Variants in SLC6A18 observed in about 807,000 individuals in gnomAD.
The protein encoded by SLC6A18 is solute carrier family 6 member 18.
In SLC6A18, 58 loss-of-function variants were observed where a neutral mutation model predicts 62.9. The ratio of observed to expected loss-of-function variants is 0.92; its 90% CI spans 0.75 to 1.15. The LOEUF is 1.15. Among genes scored for constraint, SLC6A18 ranks in the 50% most tolerant of loss-of-function variants. SLC6A18 has a pLI of 0.00. For synonymous variants in SLC6A18, 382 were observed against 365.8 expected, an observed-to-expected ratio of 1.04 and a Z score of -0.51; for missense variants, 793 against 836.6, an observed-to-expected ratio of 0.95 and a Z score of 0.64.
At chr5:1,239,914 A>G (rs1014291986) in intron 6 of SLC6A18, among the ~76,000 whole-genome samples, 2 of 152,260 alleles carry the variant, frequency 1.3e-5, no homozygotes, top group African/African-American at 2.4e-5. Context: ...TAATATGCAC[A>G]GATCCCTACA....
chr5:1,230,988 G>A (rs1393961748), intron 1 of SLC6A18, among the ~76,000 whole-genome samples: 1 of 152,172 alleles, frequency 6.6e-6, no homozygotes, highest in Non-Finnish European at 1.5e-5. Context: ...CAGACACAGG[G>A]GCCTCTTCAG....
chr5:1,237,856 A>G, intron 4 of SLC6A18, 94 bp from the exon 5 acceptor site: 4 of 957,346 alleles, frequency 4.2e-6, no homozygotes, highest in Non-Finnish European at 6.6e-6. Flanking sequence ...CACTCTGACC[A>G]CAAGGGCGGT....
chr5:1,244,126 A>C (rs1257228402), intron 9 of SLC6A18, 88 bp from the exon 10 acceptor site: 2 of 1,154,158 alleles, frequency 1.7e-6, no homozygotes, highest in African/African-American at 3.1e-5. Flanking sequence ...GTCCGAGGGC[A>C]GGTCTGCCTG....
intron 4 of SLC6A18, among the ~76,000 whole-genome samples, chr5:1,236,551 C>T (rs1253262130): frequency 6.6e-6 from 1 of 152,192 alleles, no homozygotes; most frequent in Non-Finnish European, 1.5e-5. Flanking sequence ...TCCTGCTTGC[C>T]TGGACCCCTC....
chr5:1,233,620 A>G (rs368525303), intron 3 of SLC6A18, among the ~76,000 whole-genome samples: 2 of 135,848 alleles, frequency 1.5e-5, no homozygotes, highest in African/African-American at 5.6e-5. Flanking sequence ...GTCTCCCTCT[A>G]TTGCCCAGGC....
At position 1,238,234 on chromosome 5, in the gene SLC6A18, T is replaced by TCAGGAAAGAGG. The variant is rs1282635011; in HGVS notation, c.732+174_732+175insCAGGAAAGAGG. On this transcript the variant is annotated intron_variant, in intron 5 of 11. Transcript: ENST00000324642. ...AGGATGGCGTGGCGGGAGGGGGGCC[T>TCAGGAAAGAGG]TAGGAAAGAGGTCAGGTTTGGAGTG... is the stretch of plus-strand genomic sequence containing the variant. Among the ~76,000 whole-genome samples the TCAGGAAAGAGG allele has an allele frequency of 3.3e-4, 46 of 138,362 alleles. 2 individuals carry two copies. Among genetic ancestry groups the TCAGGAAAGAGG allele is most frequent in the African/African-American group, 5.5e-4 (21 of 38,274 alleles). 90.8% of individuals were successfully genotyped at this position (138,362 alleles called of 152,430 possible).
At chr5:1,238,452 G>GAGGA (rs111994481) in intron 5 of SLC6A18, among the ~76,000 whole-genome samples, 3 of 62,904 alleles carry the variant, frequency 4.8e-5, no homozygotes, top group Non-Finnish European at 9.7e-5. Flanking sequence ...AGTGAGCTTG[G>GAGGA]GGCCTCAGGA....
At chr5:1,227,541 T>A (rs1746614940) in intron 1 of SLC6A18, among the ~76,000 whole-genome samples, 1 of 152,264 alleles carries the variant, frequency 6.6e-6, no homozygotes, top group African/African-American at 2.4e-5. Flanking sequence ...CATTGATGAT[T>A]TTGAAAACAA....
At chr5:1,239,123 A>G (rs1011119436) in intron 5 of SLC6A18, among the ~76,000 whole-genome samples, 1 of 152,256 alleles carries the variant, frequency 6.6e-6, no homozygotes, top group Non-Finnish European at 1.5e-5. Context: ...CCGCCCGGTT[A>G]GAGAGGGCAC....
rs747196067 is a variant in SLC6A18 at position 1,232,787 on chromosome 5, T to A, written c.338T>A (p.Leu113Gln). 8 of 1,613,460 alleles carry A rather than the reference T, an allele frequency of 5.0e-6. No homozygotes were observed. The highest frequency in any genetic ancestry group is 5.9e-6 in the Non-Finnish European group (7 of 1,180,004). ...GTCACGCTGTCCTTCCTGATCAGCCTGTACTACAACACCATCGTGGCGTGG... is the reference window on the plus strand; with the variant it reads ...GTCACGCTGTCCTTCCTGATCAGCCAGTACTACAACACCATCGTGGCGTGG... ...GCVTLSFLIS[L>Q]YYNTIVAWVL... Residue 113 changes from leucine to glutamine, a missense_variant, in exon 3 of 12, where the codon CTG becomes CAG. Physicochemically the swap from Leu to Gln is moderately radical, Grantham distance 113 (BLOSUM62 -2). Coordinates refer to ENST00000324642, the MANE Select transcript of SLC6A18 (RefSeq NM_182632.3).
At chr5:1,226,350 C>A (rs1159692292) in intron 1 of SLC6A18, among the ~76,000 whole-genome samples, 1 of 152,216 alleles carries the variant, frequency 6.6e-6, no homozygotes, top group Non-Finnish European at 1.5e-5. Context: ...TGAATCACTG[C>A]TCTCAGGGAG....
At chr5:1,232,032 A>T (rs1746742506) in intron 1 of SLC6A18, among the ~76,000 whole-genome samples, 187 bp from the exon 2 acceptor site, 1 of 152,162 alleles carries the variant, frequency 6.6e-6, no homozygotes, top group South Asian at 2.1e-4. Flanking sequence ...TCAGCAACCG[A>T]GCCAAAATCA....
chr5:1,245,880 C>G lies in SLC6A18; in HGVS notation c.1689C>G (p.Tyr563Ter), dbSNP rs774628887. 2 of 1,608,350 alleles carry G rather than the reference C, an allele frequency of 1.2e-6. No homozygotes were observed. Among genetic ancestry groups the G allele is most frequent in the African/African-American group, 2.7e-5 (2 of 74,844 alleles). The change falls in exon 12 of 12, where the codon TAC (tyrosine) becomes TAG (stop). Residue 563 changes from tyrosine (Y) to a stop codon, truncating the protein, a stop_gained. Transcript: ENST00000324642. LOFTEE classifies it low-confidence loss of function (END_TRUNC). ...ELFPSRQEKLYPGWARAACVL... is the reference protein window; with the variant it reads ...ELFPSRQEKL ...TCCCCTCGCGTCAGGAGAAGCTCTA[C>G]CCGGGCTGGGCGCGCGCCGCCTGTG...
chr5:1,230,093 G>A lies in SLC6A18; in HGVS notation c.161-2126G>A, dbSNP rs991158849. 4.0e-5 allele frequency among the ~76,000 whole-genome samples: 6 copies of A among 150,384 alleles called. No individual in the cohort carries two copies. The East Asian group carries it at 6.0e-4, about 15-fold the overall frequency. On this transcript the variant is annotated intron_variant, in intron 1 of 11. Coordinates refer to ENST00000324642, the MANE Select transcript of SLC6A18 (RefSeq NM_182632.3). ...CTCACAGCACAGGCTGGAGGGGAGC[G>A]AAGAAGGGCTCTAACGGTACAGGCT...
At chr5:1,244,174 CCAT>C in intron 9 of SLC6A18, 37 bp from the exon 10 acceptor site, 1 of 885,230 alleles carries the variant, frequency 1.1e-6, no homozygotes, top group Admixed American at 2.0e-5. Flanking sequence ...CCTCCACTCC[CCAT>C]CCCCTTACCC....
intron 11 of SLC6A18, 56 bp from the exon 12 acceptor site, chr5:1,245,792 G>A: frequency 6.6e-7 from 1 of 1,525,778 alleles, no homozygotes; most frequent in Non-Finnish European, 8.8e-7. Context: ...GAGCACGGGG[G>A]TCAGCCTCAC....
At chr5:1,233,204 G>A (rs576692338) in intron 3 of SLC6A18, among the ~76,000 whole-genome samples, 2 of 152,326 alleles carry the variant, frequency 1.3e-5, no homozygotes, top group African/African-American at 4.8e-5. Context: ...TAGGTCGGAC[G>A]CCGTGGCTCA....
chr5:1,232,160 C>T (rs1035571859), intron 1 of SLC6A18, 59 bp from the exon 2 acceptor site: 94 of 1,528,574 alleles, frequency 6.1e-5, no homozygotes, highest in Middle Eastern at 2.3e-4. Flanking sequence ...CCCTGGCCCA[C>T]GCCACAGTCC....
Position 1,241,303 on chromosome 5 carries a change from C to T in SLC6A18, c.974+644C>T, listed in dbSNP as rs1747054047. On this transcript the variant is annotated intron_variant, in intron 7 of 11. Coordinates refer to ENST00000324642, the MANE Select transcript of SLC6A18 (RefSeq NM_182632.3). The surrounding 1 kb of genome is among the most constrained non-coding windows in gnomAD (Gnocchi z 7.8). ...GGTCCTTGAGAACCCACTGGGCAGA[C>T]AGCACGTCCCTGCAACATGGGGTGA... 6.6e-6 allele frequency among the ~76,000 whole-genome samples: 1 copy of T among 152,222 alleles called. No individual in the cohort carries two copies. The highest frequency in any genetic ancestry group is 1.5e-5 in the Non-Finnish European group (1 of 68,028).
Sources: allele counts gnomAD v4.1 joint callset (sites outside exome capture counted in the v4.1 genomes callset), GRCh38; gene constraint gnomAD v4.1.1; non-coding constraint Gnocchi (gnomAD v3.1); transcripts MANE v1.5; gene names NCBI Gene and HGNC (gene_info 2026-07-23, HGNC 2026-07-21).